The following ASIC2 variants were observed in gnomAD, a reference collection of about 807,000 sequenced individuals.
ASIC2 encodes acid-sensing ion channel 2.
ASIC2 carries 25 observed loss-of-function variants against 57.3 expected under a neutral mutation model. That is an observed-to-expected ratio of 0.44 (90% CI 0.32 to 0.61). The LOEUF (loss-of-function observed/expected upper bound fraction) is 0.61. Among genes scored for constraint, ASIC2 ranks in the 20% least tolerant of loss-of-function variants. The pLI is 0.06. For missense variants in ASIC2, 641 were observed against 738.1 expected (o/e 0.87, Z 1.52); for synonymous variants, 319 against 307.5 (o/e 1.04, Z -0.39).
rs189671203 is a variant in ASIC2 at position 33,284,693 on chromosome 17, G to A, written c.708+6715C>T. ...GGCTTTGAAGCTGGACTGATCTTTC[G>A]TTGAATCGTGACTCTACTACTTCCC... On this transcript the variant is annotated intron_variant, in intron 1 of 9. Transcript: ENST00000225823. 3.9e-3 allele frequency among the ~76,000 whole-genome samples: 591 copies of A among 152,250 alleles called. 4 individuals carry two copies. The highest frequency in any genetic ancestry group is 6.2e-3 in the Non-Finnish European group (421 of 68,016).
intron 1 of ASIC2, among the ~76,000 whole-genome samples, chr17:34,008,844 T>C (rs917841819): frequency 5.9e-5 from 9 of 152,202 alleles, no homozygotes; most frequent in Non-Finnish European, 1.0e-4. Flanking sequence ...GCAGAGAACA[T>C]GTGCATTTGT....
At chr17:33,340,808 C>T (rs938818414) in intron 1 of ASIC2, among the ~76,000 whole-genome samples, 21 of 151,934 alleles carry the variant, frequency 1.4e-4, no homozygotes, top group African/African-American at 4.6e-4. Flanking sequence ...AATATGTTCA[C>T]GTGTGTATGG....
chr17:33,240,555 A>G (rs1908462437), intron 1 of ASIC2, among the ~76,000 whole-genome samples: 1 of 152,234 alleles, frequency 6.6e-6, no homozygotes, highest in Non-Finnish European at 1.5e-5. Context: ...GGCACTGTGC[A>G]GCTCAGACGT....
chr17:33,487,556 T>C lies in ASIC2; in HGVS notation c.556-375489A>G, dbSNP rs181891280. On this transcript the variant is annotated intron_variant, in intron 1 of 9. Transcript: ENST00000359872. Reference sequence around the variant, plus strand: ...AGCAGCTCCTATAGGTTTGTTGTGGTGGTTAATATTGAGTGTCAACTTGAT... The same window carrying C: ...AGCAGCTCCTATAGGTTTGTTGTGGCGGTTAATATTGAGTGTCAACTTGAT... 2.4e-3 allele frequency among the ~76,000 whole-genome samples: 361 copies of C among 152,334 alleles called. 3 individuals carry two copies. The highest frequency in any genetic ancestry group is 1.4e-3 in the Non-Finnish European group (93 of 68,028).
chr17:33,772,324 C>G (rs1290271868), intron 1 of ASIC2, among the ~76,000 whole-genome samples: 1 of 152,200 alleles, frequency 6.6e-6, no homozygotes, highest in Non-Finnish European at 1.5e-5. Flanking sequence ...CCTAAGCAGT[C>G]TATTAGCATT....
chr17:33,764,012 G>A (rs868296725), intron 1 of ASIC2, among the ~76,000 whole-genome samples: 7 of 152,068 alleles, frequency 4.6e-5, no homozygotes, highest in Admixed American at 4.6e-4. Flanking sequence ...CTTTGATTTC[G>A]GCCGGGTGCC....
intron 1 of ASIC2, among the ~76,000 whole-genome samples, chr17:33,486,871 A>G (rs1913591568): frequency 6.6e-6 from 1 of 152,176 alleles, no homozygotes; most frequent in Admixed American, 6.5e-5. Flanking sequence ...CCACCAAGTG[A>G]GAAGGACAAG....
At chr17:33,495,553 T>G (rs1397061424) in intron 1 of ASIC2, among the ~76,000 whole-genome samples, 1 of 152,174 alleles carries the variant, frequency 6.6e-6, no homozygotes, top group Non-Finnish European at 1.5e-5. Context: ...AGATTGATCT[T>G]GCGTGCCTGT....
chr17:33,229,910 A>T (rs1040131598), intron 1 of ASIC2, among the ~76,000 whole-genome samples: 1 of 152,180 alleles, frequency 6.6e-6, no homozygotes, highest in Non-Finnish European at 1.5e-5. Flanking sequence ...CACTGGTGGG[A>T]TTCTAGCCTT....
chr17:34,080,792 GAA>G (rs1229243649), intron 1 of ASIC2: 13 of 152,212 alleles, frequency 8.5e-5, no homozygotes, highest in Non-Finnish European at 1.3e-4. Context: ...ATCATTGAAT[GAA>G]TTAGCAGCAA....
intron 1 of ASIC2, among the ~76,000 whole-genome samples, chr17:33,601,570 A>G (rs1905115979): frequency 6.6e-6 from 1 of 152,212 alleles, no homozygotes; most frequent in Non-Finnish European, 1.5e-5. Context: ...GCCTCTACTT[A>G]GATTTCAAAT....
chr17:34,055,577 A>G (rs898794225), intron 1 of ASIC2, among the ~76,000 whole-genome samples: 4 of 152,230 alleles, frequency 2.6e-5, no homozygotes, highest in Admixed American at 2.6e-4. Context: ...CCCAAGAAAC[A>G]ATGATTGTGC....
chr17:33,785,925 G>A (rs1172797942), intron 1 of ASIC2, among the ~76,000 whole-genome samples: 2 of 152,118 alleles, frequency 1.3e-5, no homozygotes, highest in African/African-American at 4.8e-5. Context: ...AATCTGCGTC[G>A]GCTGCTTCAG....
chr17:33,016,596 C>T (rs1055262826), intron 8 of ASIC2, among the ~76,000 whole-genome samples: 1 of 152,052 alleles, frequency 6.6e-6, no homozygotes, highest in Admixed American at 6.6e-5. Context: ...TAAAATCTGG[C>T]CATGGGAACT....
chr17:33,429,773 G>A (rs1911345360), intron 1 of ASIC2, among the ~76,000 whole-genome samples: 1 of 152,196 alleles, frequency 6.6e-6, no homozygotes. Context: ...GAGAGAAACA[G>A]TAGGTATAAT....
intron 1 of ASIC2, among the ~76,000 whole-genome samples, chr17:33,302,956 G>A (rs1332089330): frequency 2.6e-5 from 4 of 152,126 alleles, no homozygotes; most frequent in South Asian, 2.1e-4. Context: ...CTCTGATTCT[G>A]GTTTGAACAT....
At chr17:33,062,853 G>GTCCT (rs1491533143) in intron 3 of ASIC2, among the ~76,000 whole-genome samples, 28,258 of 151,996 alleles carry the variant, frequency 0.19, 2,708 homozygotes, top group Non-Finnish European at 0.21. Flanking sequence ...CTCCTGTATT[G>GTCCT]GGTGCATATA....
chr17:33,764,144 A>C (rs1401094152), intron 1 of ASIC2, among the ~76,000 whole-genome samples: 1 of 151,994 alleles, frequency 6.6e-6, no homozygotes, highest in African/African-American at 2.4e-5. Flanking sequence ...AACAAAACAA[A>C]ACAAAACAAC....
intron 1 of ASIC2, among the ~76,000 whole-genome samples, chr17:33,881,398 G>A (rs1307905418): frequency 6.6e-6 from 1 of 152,124 alleles, no homozygotes; most frequent in African/African-American, 2.4e-5. Context: ...AAACTGATAG[G>A]CAACTTCAGC....
Sources: allele counts gnomAD v4.1 joint callset (sites outside exome capture counted in the v4.1 genomes callset), GRCh38; gene constraint gnomAD v4.1.1; transcripts MANE v1.5; gene names NCBI Gene and HGNC (gene_info 2026-07-23, HGNC 2026-07-21).